Variants in TBPL1 observed in about 807,000 individuals in gnomAD.
TBPL1 encodes TATA-box binding protein like 1, also known as TATA box-binding protein-like 1.
In TBPL1, 4 loss-of-function variants were observed where a neutral mutation model predicts 22.1. The observed-to-expected ratio is 0.18, with a 90% confidence interval of 0.09 to 0.41. The LOEUF is 0.41. TBPL1 is among the 10% of genes least tolerant of loss of function. The pLI is 1.00. For missense variants in TBPL1, 115 were observed against 222.3 expected (o/e 0.52, Z 3.07); for synonymous variants, 64 against 71.0 (o/e 0.90, Z 0.50).
intron 1 of TBPL1, among the ~76,000 whole-genome samples, chr6:133,970,857 C>T (rs1225695302): frequency 6.6e-6 from 1 of 152,122 alleles, no homozygotes; most frequent in Admixed American, 6.5e-5. Context: ...ACATATTATA[C>T]ATATTTATGA....
intron 1 of TBPL1, among the ~76,000 whole-genome samples, chr6:133,955,373 CT>C (rs1202974569): frequency 6.6e-6 from 1 of 151,792 alleles, no homozygotes; most frequent in African/African-American, 2.4e-5. Flanking sequence ...TAGTTACTGT[CT>C]TTTCTTAATC....
At chr6:133,977,566 A>G (rs145164699) in intron 1 of TBPL1, among the ~76,000 whole-genome samples, 119 of 152,348 alleles carry the variant, frequency 7.8e-4, no homozygotes, top group African/African-American at 2.7e-3. Flanking sequence ...ATATAAAAAC[A>G]AGTAAAATAG....
chr6:133,982,978 ATTC>A, intron 4 of TBPL1, 98 bp downstream of exon 4: 1 of 1,090,054 alleles, frequency 9.2e-7, no homozygotes, highest in South Asian at 1.9e-5. Flanking sequence ...TATGCGTACT[ATTC>A]TTATGATTAA....
At chr6:133,978,034 G>A (rs1034920943) in intron 1 of TBPL1, among the ~76,000 whole-genome samples, 3 of 152,130 alleles carry the variant, frequency 2.0e-5, no homozygotes, top group Non-Finnish European at 4.4e-5. Flanking sequence ...ACCAGTTGTT[G>A]CCAGGGAGGC....
At chr6:133,974,562 C>T (rs1000185644) in intron 1 of TBPL1, among the ~76,000 whole-genome samples, 3 of 152,190 alleles carry the variant, frequency 2.0e-5, no homozygotes, top group African/African-American at 4.8e-5. Flanking sequence ...CTCCTGACCT[C>T]GTGATCCACT....
chr6:133,966,749 A>G (rs925683043), intron 1 of TBPL1, among the ~76,000 whole-genome samples: 2 of 152,046 alleles, frequency 1.3e-5, no homozygotes, highest in Non-Finnish European at 2.9e-5. Flanking sequence ...TCCCCATATC[A>G]ATCAGAAAAT....
intron 6 of TBPL1, among the ~76,000 whole-genome samples, chr6:133,986,242 G>C (rs1353536974): frequency 6.6e-6 from 1 of 152,122 alleles, no homozygotes; most frequent in Admixed American, 6.5e-5. Flanking sequence ...TTTCAAAAGA[G>C]GTTAAGTGTG....
intron 1 of TBPL1, among the ~76,000 whole-genome samples, chr6:133,955,170 A>T (rs951022361): frequency 6.6e-6 from 1 of 150,890 alleles, no homozygotes; most frequent in Admixed American, 6.6e-5. Flanking sequence ...ATCTTTGTGC[A>T]TATGAGACTT....
At chr6:133,976,625 A>T (rs1027060623) in intron 1 of TBPL1, among the ~76,000 whole-genome samples, 1 of 152,190 alleles carries the variant, frequency 6.6e-6, no homozygotes, top group African/African-American at 2.4e-5. Flanking sequence ...TGTTTAACCC[A>T]TCGATAAATT....
intron 1 of TBPL1, among the ~76,000 whole-genome samples, chr6:133,962,871 G>A (rs1776048698): frequency 6.6e-6 from 1 of 152,178 alleles, no homozygotes; most frequent in Non-Finnish European, 1.5e-5. Context: ...GGTCTGGCAT[G>A]GATTTCAGTT....
upstream of TBPL1, chr6:133,952,464 G>C (rs1456864642): frequency 2.0e-5 from 3 of 152,366 alleles, no homozygotes; most frequent in Non-Finnish European, 4.4e-5. This position sits in a 1 kb window ranked among gnomAD's most constrained non-coding sequence, Gnocchi z 4.5. Flanking sequence ...AACCCACGTA[G>C]AGTAAGGAAT....
At chr6:133,986,411 GT>G (rs2114396436) in intron 6 of TBPL1, among the ~76,000 whole-genome samples, 1 of 152,162 alleles carries the variant, frequency 6.6e-6, no homozygotes, top group East Asian at 1.9e-4. Context: ...TGCTTTTTTT[GT>G]TTTCTATTGA....
chr6:133,962,344 A>G (rs764636060), intron 1 of TBPL1, among the ~76,000 whole-genome samples: 6 of 152,220 alleles, frequency 3.9e-5, no homozygotes, highest in African/African-American at 4.8e-5. Context: ...AGAGAGTTCT[A>G]TTAGAAGCCT....
Position 133,984,421 on chromosome 6 carries a change from A to G in TBPL1, c.328A>G (p.Asn110Asp). ...FKVVNVLAVC[N>D]MPFEIRLPEF... ...GGTTGTTAACGTTCTGGCAGTGTGT[A>G]ACATGCCATTTGAAATCCGTTTGCC... Residue 110 changes from asparagine (N) to aspartate (D), a missense_variant, in exon 5 of 7, where the codon AAC (asparagine) becomes GAC (aspartate). Transcript: ENST00000237264. The G allele has an allele frequency of 1.2e-6, 2 of 1,613,768 alleles. No individual in the cohort carries two copies. The highest frequency in any genetic ancestry group is 1.7e-6 in the Non-Finnish European group (2 of 1,179,880).
In TBPL1 at chr6:133,990,371, C is replaced by T. The variant is rs1776604236; in HGVS notation, c.*3331C>T. 1 of 152,586 alleles carries T rather than the reference C, an allele frequency of 6.6e-6. No individual in the cohort carries two copies. The highest frequency in any genetic ancestry group is 1.5e-5 in the Non-Finnish European group (1 of 68,038). The allele number at this position is 152,586 out of a possible 1,614,324, so 9.5% of individuals were successfully genotyped here. On this transcript the variant is annotated 3_prime_UTR_variant, in exon 7 of 7. Coordinates refer to ENST00000237264, the MANE Select transcript of TBPL1 (RefSeq NM_004865.4). The stretch of plus-strand genomic sequence containing the variant: ...TTGGATAAATAACCTAATGGCCTGA[C>T]TCCTTTTCTAATGTTTTACTAACAG...
intron 1 of TBPL1, among the ~76,000 whole-genome samples, chr6:133,958,826 TA>T (rs1350725100): frequency 6.6e-6 from 1 of 152,206 alleles, no homozygotes; most frequent in Non-Finnish European, 1.5e-5. Context: ...GGTAAAGTGT[TA>T]TAATTCCTTC....
intron 1 of TBPL1, among the ~76,000 whole-genome samples, chr6:133,974,160 T>G (rs1776272815): frequency 6.6e-6 from 1 of 152,084 alleles, no homozygotes; most frequent in Non-Finnish European, 1.5e-5. Context: ...TGGCAAACAT[T>G]ATGGACCTCT....
rs1320598732 is a variant in TBPL1 at position 133,988,705 on chromosome 6, T to C, written c.*1665T>C. ...CTTCTTGTGAAATATTTCATTGAGA[T>C]TTTTAGACTTGTATTTTTCCTTTTT... On this transcript the variant is annotated 3_prime_UTR_variant, in exon 7 of 7. Transcript: ENST00000237264. 1 of 152,100 alleles carries C rather than the reference T, an allele frequency of 6.6e-6. No homozygotes were observed. Among genetic ancestry groups the C allele is most frequent in the Non-Finnish European group, 1.5e-5 (1 of 68,010 alleles). 9.4% of individuals were successfully genotyped at this position (152,100 alleles called of 1,614,324 possible).
intron 1 of TBPL1, among the ~76,000 whole-genome samples, chr6:133,970,346 A>G (rs1353279530): frequency 2.6e-5 from 4 of 152,192 alleles, no homozygotes; most frequent in African/African-American, 4.8e-5. Context: ...AATTCTGGAT[A>G]CTGTAGATAT....
Sources: allele counts gnomAD v4.1 joint callset (sites outside exome capture counted in the v4.1 genomes callset), GRCh38; gene constraint gnomAD v4.1.1; non-coding constraint Gnocchi (gnomAD v3.1); transcripts MANE v1.5; gene names NCBI Gene and HGNC (gene_info 2026-07-23, HGNC 2026-07-21).